Variants in LHFPL3 observed in about 807,000 individuals in gnomAD.
The protein encoded by LHFPL3 is LHFPL tetraspan subfamily member 3.
LHFPL3 carries 5 observed loss-of-function variants against 19.3 expected under a neutral mutation model. That is an observed-to-expected ratio of 0.26 (90% CI 0.14 to 0.54). The LOEUF (loss-of-function observed/expected upper bound fraction) is 0.54. Ranked by LOEUF, LHFPL3 falls within the 20% of genes least tolerant of loss-of-function variation. LHFPL3 has a pLI of 0.94. For missense variants in LHFPL3, 249 were observed against 307.4 expected, an observed-to-expected ratio of 0.81 and a Z score of 1.42; for synonymous variants, 133 against 126.2, an observed-to-expected ratio of 1.05 and a Z score of -0.36.
intron 1 of LHFPL3, among the ~76,000 whole-genome samples, chr7:104,400,322 G>T (rs993555848): frequency 6.6e-6 from 1 of 151,908 alleles, no homozygotes; most frequent in African/African-American, 2.4e-5. Context: ...GGAAAGAACA[G>T]TTTGGCATAA....
intron 1 of LHFPL3, 34 bp downstream of exon 1, chr7:104,329,258 A>G (rs1436302823): frequency 2.6e-6 from 4 of 1,555,390 alleles, no homozygotes; most frequent in East Asian, 2.3e-5. Context: ...GAGGCGGAGG[A>G]CCCCGGGGCG....
chr7:104,429,285 T>A (rs866228132), intron 1 of LHFPL3, among the ~76,000 whole-genome samples: 1 of 149,586 alleles, frequency 6.7e-6, no homozygotes, highest in East Asian at 2.0e-4. Flanking sequence ...TATTTCGGAA[T>A]CTACCTATGT....
chr7:104,349,842 T>C (rs1244563320), intron 1 of LHFPL3, among the ~76,000 whole-genome samples: 9 of 152,372 alleles, frequency 5.9e-5, no homozygotes, highest in Non-Finnish European at 2.9e-5. Flanking sequence ...ACCTTACTTT[T>C]TGGAAATGCC....
Position 104,347,256 on chromosome 7 carries a change from GA to G in LHFPL3, c.445+18041del, listed in dbSNP as rs35954754. 4.6e-5 allele frequency among the ~76,000 whole-genome samples: 7 copies of G among 151,050 alleles called. 2 individuals are homozygous for G. The highest frequency in any genetic ancestry group is 9.7e-5 in the African/African-American group (4 of 41,132). ...ACTGTTTTATTTCTTTTTTAATCTA[GA>G]AAAAAAAATCATGCACATTTTGGTG... On this transcript the variant is annotated intron_variant, in intron 1 of 2. Coordinates refer to ENST00000424859, the MANE Select transcript of LHFPL3 (RefSeq NM_199000.3).
intron 1 of LHFPL3, among the ~76,000 whole-genome samples, chr7:104,451,942 C>T (rs1034504685): frequency 2.6e-5 from 4 of 151,994 alleles, no homozygotes; most frequent in African/African-American, 4.8e-5. Flanking sequence ...GACGGGGTTT[C>T]GCCATGTTGG....
At position 104,543,041 on chromosome 7, in the gene LHFPL3, C is replaced by G. The variant is rs141855813; in HGVS notation, c.446-193634C>G. Among the ~76,000 whole-genome samples the G allele has an allele frequency of 5.5e-3, 836 of 152,178 alleles. 41 individuals carry two copies. In the East Asian group the frequency reaches 0.12, roughly 22 times the overall value. On this transcript the variant is annotated intron_variant, in intron 1 of 2. Transcript: ENST00000424859. ...GCTGGAAACCATCATCCTCAGCAAA[C>G]TAACACAGGAACAGAAAACCAAACA...
intron 2 of LHFPL3, among the ~76,000 whole-genome samples, chr7:104,871,979 C>A (rs1791845429): frequency 6.6e-6 from 1 of 151,768 alleles, no homozygotes. Context: ...TTCTTTATAT[C>A]CTTATTCAAC....
chr7:104,481,124 C>T (rs1376823987), intron 1 of LHFPL3, among the ~76,000 whole-genome samples: 1 of 152,170 alleles, frequency 6.6e-6, no homozygotes, highest in African/African-American at 2.4e-5. Flanking sequence ...AAGAAGGACA[C>T]TCCTTAACAA....
rs1554415336 is a variant in LHFPL3, at chr7:104,614,680, C to CTTTCTTTCT, written c.446-121993_446-121992insTCTTTCTTT. 7.4e-5 allele frequency among the ~76,000 whole-genome samples: 7 copies of CTTTCTTTCT among 94,496 alleles called. No homozygotes were observed. In the East Asian group the frequency reaches 1.2e-3, roughly 16 times the overall value. The allele number at this position is 94,496 out of a possible 152,430, so 62.0% of individuals were successfully genotyped here. On this transcript the variant is annotated intron_variant, in intron 1 of 2. Coordinates refer to ENST00000424859, the MANE Select transcript of LHFPL3 (RefSeq NM_199000.3). The stretch of plus-strand genomic sequence containing the variant: ...CCTTCCTTCCTTCCTTCCTTCCTTC[C>CTTTCTTTCT]TTCTTTCTTTCTTTCTTTCTTTCTT...
chr7:104,776,732 A>C (rs1171700834), intron 2 of LHFPL3, among the ~76,000 whole-genome samples: 1 of 152,232 alleles, frequency 6.6e-6, no homozygotes, highest in Non-Finnish European at 1.5e-5. Context: ...TTTCACTGCA[A>C]CAGTTCCCCT....
At chr7:104,767,553 CTT>C (rs1186986581) in intron 2 of LHFPL3, among the ~76,000 whole-genome samples, 2 of 152,296 alleles carry the variant, frequency 1.3e-5, no homozygotes, top group East Asian at 3.9e-4. Flanking sequence ...GTACACTTTT[CTT>C]CTTTTATAAA....
chr7:104,423,832 C>T (rs958409770), intron 1 of LHFPL3, among the ~76,000 whole-genome samples: 1 of 151,648 alleles, frequency 6.6e-6, no homozygotes, highest in African/African-American at 2.4e-5. Context: ...AGAGCAAGAC[C>T]CTGTCTCAAA....
At chr7:104,756,650 C>G (rs1392309194) in intron 2 of LHFPL3, among the ~76,000 whole-genome samples, 1 of 152,116 alleles carries the variant, frequency 6.6e-6, no homozygotes, top group Non-Finnish European at 1.5e-5. Context: ...CAGGCATGCT[C>G]CACCACACCT....
intron 2 of LHFPL3, among the ~76,000 whole-genome samples, chr7:104,813,343 G>T (rs565841944): frequency 2.6e-5 from 4 of 152,324 alleles, no homozygotes; most frequent in Admixed American, 1.3e-4. Context: ...TTAGCATATT[G>T]TTGGGTCATG....
intron 1 of LHFPL3, among the ~76,000 whole-genome samples, chr7:104,522,433 G>A (rs1794089231): frequency 6.7e-6 from 1 of 150,306 alleles, no homozygotes; most frequent in Non-Finnish European, 1.5e-5. Flanking sequence ...TATACCTAAT[G>A]CGAGATGACG....
chr7:104,332,229 T>C (rs901749000), intron 1 of LHFPL3, among the ~76,000 whole-genome samples: 2 of 133,498 alleles, frequency 1.5e-5, no homozygotes, highest in South Asian at 2.8e-4. Flanking sequence ...TTTTCTTTTT[T>C]TTTTTTTTTT....
chr7:104,606,553 A>G (rs1422287471), intron 1 of LHFPL3, among the ~76,000 whole-genome samples: 1 of 152,202 alleles, frequency 6.6e-6, no homozygotes, highest in Admixed American at 6.5e-5. Context: ...GCCTGCCTCA[A>G]AGGATTGTAA....
In LHFPL3 at chr7:104,841,493, G is replaced by GTGTGTGTGTGTGT. The variant is rs372610653; in HGVS notation, c.683-64694_683-64693insTGTGTGTGTGTGT. 2.5e-3 allele frequency among the ~76,000 whole-genome samples: 349 copies of GTGTGTGTGTGTGT among 140,928 alleles called. 1 individual carries two copies. Among genetic ancestry groups the GTGTGTGTGTGTGT allele is most frequent in the African/African-American group, 5.9e-3 (222 of 37,536 alleles). 92.5% of individuals were successfully genotyped at this position (140,928 alleles called of 152,430 possible). ...ATATGTATTACGATGCATTATGTGG[G>GTGTGTGTGTGTGT]GTGTGTGTGTGTGTGTGTGTGTGTG... On this transcript the variant is annotated intron_variant, in intron 2 of 2. Transcript: ENST00000424859.
intron 1 of LHFPL3, among the ~76,000 whole-genome samples, chr7:104,640,236 A>G (rs1473517414): frequency 6.6e-6 from 1 of 152,148 alleles, no homozygotes; most frequent in African/African-American, 2.4e-5. Context: ...TAAGCTCTGC[A>G]TGCATTAGGT....
Sources: gnomAD v4.1 joint callset for allele counts (sites outside exome capture counted in the v4.1 genomes callset) on GRCh38, gnomAD v4.1.1 for gene constraint, MANE v1.5 for transcripts, NCBI Gene and HGNC (gene_info 2026-07-23, HGNC 2026-07-21) for gene names.